The following SAMD5 variants were observed in gnomAD, a reference collection of about 807,000 sequenced individuals.
SAMD5 encodes the protein sterile alpha motif domain-containing protein 5.
SAMD5 carries 13 observed loss-of-function variants against 11.3 expected under a neutral mutation model. The ratio of observed to expected loss-of-function variants is 1.15; its 90% CI spans 0.75 to 1.83. The LOEUF is 1.83. Ranked by LOEUF, SAMD5 falls within the 40% of genes most tolerant of loss-of-function variation. The pLI is 0.00. For missense variants in SAMD5, 255 were observed against 239.1 expected, an observed-to-expected ratio of 1.07 and a Z score of -0.44; for synonymous variants, 129 against 111.3, an observed-to-expected ratio of 1.16 and a Z score of -1.00.
intron 1 of SAMD5, among the ~76,000 whole-genome samples, chr6:147,717,346 C>T (rs959007277): frequency 6.6e-6 from 1 of 152,150 alleles, no homozygotes; most frequent in Non-Finnish European, 1.5e-5. Flanking sequence ...AGATTGTATC[C>T]TCTCCTAGTT....
At chr6:147,896,540 C>T in the SAMD5 span, among the ~76,000 whole-genome samples, 4,511 of 151,920 alleles carry the variant, frequency 0.03, 235 homozygotes, top group African/African-American at 0.1. Flanking sequence ...ATGATCTGGC[C>T]AGCAGGGAGG....
At chr6:147,821,367 C>T in the SAMD5 span, among the ~76,000 whole-genome samples, 2 of 152,186 alleles carry the variant, frequency 1.3e-5, no homozygotes, top group African/African-American at 2.4e-5. Context: ...ATACCCTTAA[C>T]GGTGTTTTAG....
At position 147,711,918 on chromosome 6, in the gene SAMD5, C is replaced by G. The variant is rs1791406172; in HGVS notation, c.163-25399C>G. Among the ~76,000 whole-genome samples the G allele has an allele frequency of 6.6e-6, 1 of 152,068 alleles. No homozygotes were observed. The highest frequency in any genetic ancestry group is 6.6e-5 in the Admixed American group (1 of 15,264). On this transcript the variant is annotated intron_variant, in intron 1 of 1. Transcript: ENST00000566741. This position sits in a 1 kb window ranked among gnomAD's most constrained non-coding sequence, Gnocchi z 4.1. ...CCAGGGGCCCACTCAGAGGTCTGCA[C>G]CAACCATCTTTTAAGCTAAGATGTA...
the SAMD5 span, among the ~76,000 whole-genome samples, chr6:147,910,832 A>C: frequency 1.3e-5 from 2 of 152,242 alleles, no homozygotes. Context: ...GCAGTTTTAC[A>C]AATATATTTT....
chr6:147,579,378 A>G (rs549341659), intron 1 of SAMD5, among the ~76,000 whole-genome samples: 1 of 151,230 alleles, frequency 6.6e-6, no homozygotes, highest in South Asian at 2.1e-4. Context: ...GTGATTGGCC[A>G]GTGGCTTTGC....
Position 147,564,779 on chromosome 6 carries a change from C to G in SAMD5, c.*323C>G. On this transcript the variant is annotated 3_prime_UTR_variant, in exon 2 of 2. Transcript: ENST00000367474. ...TCTTAATGAAAACAGATGAGGTTGG[C>G]TAAGGCATTTGAGTCATAACTTAGT... The G allele has an allele frequency of 9.8e-7, 1 of 1,020,360 alleles. No homozygotes were observed. The highest frequency in any genetic ancestry group is 9.4e-5 in the East Asian group (1 of 10,604). The allele number at this position is 1,020,360 out of a possible 1,614,324, so 63.2% of individuals were successfully genotyped here.
At chr6:147,940,750 G>T in the SAMD5 span, among the ~76,000 whole-genome samples, 4 of 152,002 alleles carry the variant, frequency 2.6e-5, no homozygotes, top group Non-Finnish European at 5.9e-5. Context: ...ATCACTTGAG[G>T]TCAGGAGTTA....
chr6:147,566,772 G>A lies in SAMD5; in HGVS notation c.*2316G>A, dbSNP rs1336868983. ...GCTAGAGGAAGAAAACTTCAAATAA[G>A]CAAAGAAGTATTGAAGGATGCCCAC... On this transcript the variant is annotated 3_prime_UTR_variant, in exon 2 of 2. Coordinates refer to ENST00000367474, the MANE Select transcript of SAMD5 (RefSeq NM_001030060.3). 36 of 984,030 alleles carry A rather than the reference G, an allele frequency of 3.7e-5. No homozygotes were observed. In the South Asian group the frequency reaches 1.6e-3, roughly 42 times the overall value. 61.0% of individuals were successfully genotyped at this position (984,030 alleles called of 1,614,324 possible).
the SAMD5 span, among the ~76,000 whole-genome samples, chr6:147,929,784 A>G: frequency 7.9e-5 from 12 of 152,190 alleles, no homozygotes; most frequent in African/African-American, 2.7e-4. Flanking sequence ...TGGGGGGGAA[A>G]GTACAGCTCT....
rs758476708 is a variant in SAMD5 at position 147,566,495 on chromosome 6, C to A, written c.*2039C>A. ...ACTTGTTGAACTTTGCTAGGAAGGA[C>A]TCAATTTTTGAAAAATCTGTTATTT... On this transcript the variant is annotated 3_prime_UTR_variant, in exon 2 of 2. Transcript: ENST00000367474. 6 of 985,616 alleles carry A rather than the reference C, an allele frequency of 6.1e-6. No homozygotes were observed. Among genetic ancestry groups the A allele is most frequent in the Non-Finnish European group, 6.0e-6 (5 of 829,900 alleles). 61.1% of individuals were successfully genotyped at this position (985,616 alleles called of 1,614,324 possible).
intron 1 of SAMD5, among the ~76,000 whole-genome samples, chr6:147,709,673 G>A (rs1214717011): frequency 2.0e-5 from 3 of 152,280 alleles, no homozygotes; most frequent in African/African-American, 4.8e-5. Flanking sequence ...GTATTCACTC[G>A]TGCTTATAAA....
chr6:147,949,983 A>T, the SAMD5 span, among the ~76,000 whole-genome samples: 1 of 152,196 alleles, frequency 6.6e-6, no homozygotes, highest in Non-Finnish European at 1.5e-5. Flanking sequence ...AAGAAATATG[A>T]TGTATCCTGA....
At chr6:147,930,895 G>A in the SAMD5 span, among the ~76,000 whole-genome samples, 6 of 152,252 alleles carry the variant, frequency 3.9e-5, no homozygotes, top group South Asian at 2.1e-4. Context: ...GATGGTGCTC[G>A]CCCACGCTGA....
chr6:147,791,956 A>C, the SAMD5 span, among the ~76,000 whole-genome samples: 3 of 152,214 alleles, frequency 2.0e-5, no homozygotes, highest in Non-Finnish European at 2.9e-5. Flanking sequence ...TAGGTGAAGC[A>C]CAGGGAATTA....
At chr6:147,781,798 A>G in the SAMD5 span, among the ~76,000 whole-genome samples, 1 of 151,228 alleles carries the variant, frequency 6.6e-6, no homozygotes, top group African/African-American at 2.4e-5. Context: ...ACACACACAC[A>G]CACACACACA....
At chr6:147,592,186 A>G (rs553980009) in intron 1 of SAMD5, among the ~76,000 whole-genome samples, 97 of 152,210 alleles carry the variant, frequency 6.4e-4, no homozygotes, top group African/African-American at 2.2e-3. Context: ...ACAGGATCTC[A>G]CTATGTTGCC....
At chr6:147,676,513 T>C (rs1314709702) in intron 1 of SAMD5, among the ~76,000 whole-genome samples, 1 of 152,206 alleles carries the variant, frequency 6.6e-6, no homozygotes, top group Non-Finnish European at 1.5e-5. Context: ...AGTGTACTAT[T>C]TTTAAAGTCT....
the SAMD5 span, among the ~76,000 whole-genome samples, chr6:147,930,646 G>A: frequency 6.6e-6 from 1 of 152,048 alleles, no homozygotes; most frequent in Non-Finnish European, 1.5e-5. Context: ...AATTCTGAAA[G>A]CCTCAAAACT....
At chr6:147,642,256 TC>T (rs1790323438) in intron 1 of SAMD5, among the ~76,000 whole-genome samples, 1 of 152,320 alleles carries the variant, frequency 6.6e-6, no homozygotes, top group African/African-American at 2.4e-5. Context: ...AAAGTTTTTA[TC>T]TTTTTGTTCT....
Sources: gnomAD v4.1 joint callset for allele counts (sites outside exome capture counted in the v4.1 genomes callset) on GRCh38, gnomAD v4.1.1 for gene constraint, Gnocchi (gnomAD v3.1) non-coding constraint, MANE v1.5 for transcripts, NCBI Gene and HGNC (gene_info 2026-07-23, HGNC 2026-07-21) for gene names.